Variants in CCNY observed in about 807,000 individuals in gnomAD.
CCNY encodes the protein cyclin-Y.
In CCNY, 19 loss-of-function variants were observed where a neutral mutation model predicts 42.8. The ratio of observed to expected loss-of-function variants is 0.44; its 90% CI spans 0.31 to 0.65. The LOEUF (loss-of-function observed/expected upper bound fraction) is 0.65, where lower values mean the gene tolerates loss of function less well. Among genes scored for constraint, CCNY ranks in the 30% least tolerant of loss-of-function variants. The pLI is 0.07. For synonymous variants in CCNY, 165 were observed against 162.7 expected (o/e 1.01, Z -0.11); for missense variants, 370 against 437.3 (o/e 0.85, Z 1.37).
intron 3 of CCNY, among the ~76,000 whole-genome samples, chr10:35,327,363 C>T (rs1383466562): frequency 6.6e-6 from 1 of 152,020 alleles, no homozygotes; most frequent in Non-Finnish European, 1.5e-5. Flanking sequence ...TCATAGAATT[C>T]CATTGTAGTC....
chr10:35,277,505 T>C lies in CCNY; in HGVS notation c.-9+26879T>C, dbSNP rs1326019212. Among the ~76,000 whole-genome samples, 3 of 152,152 alleles carry C rather than the reference T, an allele frequency of 2.0e-5. No homozygotes were observed. In the East Asian group the frequency reaches 5.8e-4, roughly 29 times the overall value. On this transcript the variant is annotated intron_variant, in intron 3 of 11. Coordinates refer to the CCNY transcript ENST00000374706. ...CAGCTCTGGGCCAGGTCCTCCTCTC[T>C]GCCTACTCTCCAGCTACAGGTTAAG... is the stretch of plus-strand genomic sequence containing the variant.
At chr10:35,286,640 G>C (rs543012484) in intron 3 of CCNY, among the ~76,000 whole-genome samples, 1 of 147,788 alleles carries the variant, frequency 6.8e-6, no homozygotes, top group African/African-American at 2.5e-5. Flanking sequence ...ACAGGCGTGA[G>C]CCACCGTGCC....
At chr10:35,526,795 A>G (rs7099513) in intron 5 of CCNY, among the ~76,000 whole-genome samples, 1,618 of 151,538 alleles carry the variant, frequency 0.011, 40 homozygotes, top group African/African-American at 0.038. Context: ...ATTTCCTTTT[A>G]TCGGATCTTT....
intron 3 of CCNY, among the ~76,000 whole-genome samples, chr10:35,269,405 C>T (rs1490942324): frequency 6.6e-6 from 1 of 151,904 alleles, no homozygotes; most frequent in African/African-American, 2.4e-5. Context: ...CAACCTCCAC[C>T]TCCTGGGTTC....
chr10:35,480,992 G>A (rs1839656101), intron 1 of CCNY, among the ~76,000 whole-genome samples: 1 of 152,014 alleles, frequency 6.6e-6, no homozygotes, highest in Non-Finnish European at 1.5e-5. Context: ...ACCAATGAAA[G>A]TGTTTACAGT....
chr10:35,280,928 A>G (rs980833976), intron 3 of CCNY, among the ~76,000 whole-genome samples: 2 of 152,210 alleles, frequency 1.3e-5, no homozygotes, highest in South Asian at 2.1e-4. Context: ...TAAATAAAAA[A>G]TGGGCAAAGG....
At chr10:35,413,420 T>C (rs568412922) in intron 1 of CCNY, among the ~76,000 whole-genome samples, 14 of 152,262 alleles carry the variant, frequency 9.2e-5, no homozygotes, top group Non-Finnish European at 1.3e-4. Flanking sequence ...TTTGTTGTTA[T>C]GTTTAGAGTT....
intron 3 of CCNY, among the ~76,000 whole-genome samples, chr10:35,254,658 C>T (rs2095714207): frequency 6.6e-6 from 1 of 151,648 alleles, no homozygotes; most frequent in Admixed American, 6.6e-5. Context: ...AAGACCCTGT[C>T]TCTACAAAAA....
intron 1 of CCNY, among the ~76,000 whole-genome samples, chr10:35,434,983 G>T (rs998880823): frequency 6.6e-6 from 1 of 152,198 alleles, no homozygotes; most frequent in African/African-American, 2.4e-5. Flanking sequence ...GCTGAGCGCT[G>T]TGAGATGATG....
chr10:35,430,732 G>T (rs1482346249), intron 1 of CCNY, among the ~76,000 whole-genome samples: 1 of 152,184 alleles, frequency 6.6e-6, no homozygotes, highest in Non-Finnish European at 1.5e-5. Flanking sequence ...TTGCTCATGT[G>T]TATCACTAGC....
chr10:35,414,441 C>T (rs997092909), intron 1 of CCNY, among the ~76,000 whole-genome samples: 1 of 152,218 alleles, frequency 6.6e-6, no homozygotes, highest in African/African-American at 2.4e-5. Flanking sequence ...TTCATCAAAG[C>T]CAGCCAGAGA....
intron 3 of CCNY, among the ~76,000 whole-genome samples, chr10:35,266,853 G>A (rs1327126248): frequency 6.6e-6 from 1 of 152,046 alleles, no homozygotes; most frequent in African/African-American, 2.4e-5. Context: ...GAAGGCCGAG[G>A]CAGGTGGATC....
chr10:35,430,336 C>CAA (rs397954370), intron 1 of CCNY, among the ~76,000 whole-genome samples: 1,530 of 55,148 alleles, frequency 0.028, 163 homozygotes, highest in African/African-American at 0.052. Flanking sequence ...GACTCCGTCT[C>CAA]AAAAAAAAAA....
intron 1 of CCNY, among the ~76,000 whole-genome samples, chr10:35,430,205 C>T (rs903869546): frequency 2.7e-5 from 4 of 150,104 alleles, no homozygotes; most frequent in East Asian, 1.9e-4. Context: ...GGCGTAGTGG[C>T]GGGCGCCTGT....
chr10:35,534,257 A>G (rs1840832385), intron 7 of CCNY, among the ~76,000 whole-genome samples: 1 of 152,180 alleles, frequency 6.6e-6, no homozygotes, highest in Admixed American at 6.5e-5. Flanking sequence ...CCTGACCTCA[A>G]GTGATCTGCC....
At chr10:35,514,736 A>G (rs945277512) in intron 3 of CCNY, among the ~76,000 whole-genome samples, 1 of 152,218 alleles carries the variant, frequency 6.6e-6, no homozygotes, top group Non-Finnish European at 1.5e-5. Flanking sequence ...ATGAAATATT[A>G]TTGTCCTTTT....
At chr10:35,290,278 A>G (rs1216609790) in intron 3 of CCNY, among the ~76,000 whole-genome samples, 1 of 144,126 alleles carries the variant, frequency 6.9e-6, no homozygotes, top group Admixed American at 6.9e-5. Flanking sequence ...TTAGCTGGGC[A>G]TCGCGGTATG....
intron 1 of CCNY, among the ~76,000 whole-genome samples, chr10:35,409,093 CT>C (rs999686777): frequency 6.6e-6 from 1 of 151,848 alleles, no homozygotes; most frequent in Non-Finnish European, 1.5e-5. Flanking sequence ...TTAAGGAGGC[CT>C]TTTTTTTCCT....
At chr10:35,563,324 T>C (rs1841502574) in intron 8 of CCNY, among the ~76,000 whole-genome samples, 1 of 152,232 alleles carries the variant, frequency 6.6e-6, no homozygotes, top group African/African-American at 2.4e-5. Flanking sequence ...AATACCGCCT[T>C]GTTCAAAAGC....
Sources: allele counts gnomAD v4.1 joint callset (sites outside exome capture counted in the v4.1 genomes callset), GRCh38; gene constraint gnomAD v4.1.1; transcripts MANE v1.5; gene names NCBI Gene and HGNC (gene_info 2026-07-23, HGNC 2026-07-21).